The following APBA1 variants were observed in gnomAD, a reference collection of about 807,000 sequenced individuals.
APBA1 encodes the protein amyloid beta precursor protein binding family A member 1.
APBA1 carries 55 observed loss-of-function variants against 86.6 expected under a neutral mutation model. The observed-to-expected ratio is 0.64, with a 90% CI of 0.51 to 0.80. The LOEUF (loss-of-function observed/expected upper bound fraction) is 0.80, where lower values mean the gene tolerates loss of function less well. Among genes scored for constraint, APBA1 ranks in the 30% least tolerant of loss-of-function variants. APBA1 has a pLI of 0.00. For missense variants in APBA1, 1,090 were observed against 1,183.0 expected (o/e 0.92, Z 1.15); for synonymous variants, 511 against 493.9 (o/e 1.03, Z -0.46).
At chr9:69,665,751 T>C (rs1437052669) in intron 1 of APBA1, among the ~76,000 whole-genome samples, 1 of 152,230 alleles carries the variant, frequency 6.6e-6, no homozygotes, top group Non-Finnish European at 1.5e-5. Flanking sequence ...TCCAGCTGAC[T>C]AGTATTTCAT....
chr9:69,519,590 T>C (rs928358901), intron 1 of APBA1, among the ~76,000 whole-genome samples: 7 of 152,196 alleles, frequency 4.6e-5, no homozygotes, highest in Non-Finnish European at 7.3e-5. Flanking sequence ...CAGAAAGGGA[T>C]AGCAAACATA....
At chr9:69,596,333 A>G (rs1822228992) in intron 1 of APBA1, among the ~76,000 whole-genome samples, 1 of 151,692 alleles carries the variant, frequency 6.6e-6, no homozygotes, top group South Asian at 2.1e-4. Flanking sequence ...TTTTTCTTTT[A>G]CCCACTGATA....
chr9:69,516,116 G>A lies in APBA1; in HGVS notation c.1095C>T (p.Ile365=), dbSNP rs1427187183. 8 of 1,613,634 alleles carry A rather than the reference G, an allele frequency of 5.0e-6. No homozygotes were observed. The Admixed American group carries it at 5.0e-5, about 10-fold the overall frequency. Residue 365 remains isoleucine (I), a synonymous_variant, in exon 2 of 13, where the codon ATC becomes ATT. Transcript: ENST00000265381. The surrounding 1 kb of genome is among the most constrained non-coding windows in gnomAD (Gnocchi z 7.3). ...GCTCGTCGGGGGTGTAAGGCGAACG[G>A]ATGGTCCTGGTTTTCACCTCCTCGA... ...EAIEEVKTRT[I]RSPYTPDEPK...
At chr9:69,503,703 C>T (rs10867682) in intron 2 of APBA1, among the ~76,000 whole-genome samples, 57,052 of 151,946 alleles carry the variant, frequency 0.38, 12,262 homozygotes, top group Non-Finnish European at 0.47. Flanking sequence ...CTAAAACCAT[C>T]TAAAACTCCT....
chr9:69,594,501 T>C (rs538686140), intron 1 of APBA1, among the ~76,000 whole-genome samples: 1 of 152,202 alleles, frequency 6.6e-6, no homozygotes, highest in East Asian at 1.9e-4. Context: ...AACTAAGGAA[T>C]GTGAAGAGAA....
intron 2 of APBA1, among the ~76,000 whole-genome samples, chr9:69,496,406 C>A (rs1588320468): frequency 6.6e-6 from 1 of 152,100 alleles, no homozygotes. Context: ...AAAAGAGACA[C>A]AAAGGGCCTG....
intron 1 of APBA1, among the ~76,000 whole-genome samples, chr9:69,544,888 C>T (rs1288233612): frequency 6.6e-6 from 1 of 152,198 alleles, no homozygotes; most frequent in East Asian, 1.9e-4. Flanking sequence ...CAGGGAGGGC[C>T]TTGGCCCACC....
Position 69,609,059 on chromosome 9 carries a change from T to C in APBA1, c.-70+63094A>G, listed in dbSNP as rs116410292. On this transcript the variant is annotated intron_variant, in intron 1 of 12. Transcript: ENST00000265381. Reference sequence around the variant, plus strand: ...TGACAGACTGGGCTAGGCACTATAATGACTACAAAACCAAATTAGATGTCA... The same window carrying C: ...TGACAGACTGGGCTAGGCACTATAACGACTACAAAACCAAATTAGATGTCA... Among the ~76,000 whole-genome samples, 870 of 152,354 alleles carry C rather than the reference T, an allele frequency of 5.7e-3. 5 individuals are homozygous for C. The highest frequency in any genetic ancestry group is 0.017 in the Middle Eastern group (5 of 294).
At chr9:69,672,530 C>T (rs1176905126), upstream of APBA1, among the ~76,000 whole-genome samples, 1 of 146,666 alleles carries the variant, frequency 6.8e-6, no homozygotes, top group Non-Finnish European at 1.5e-5. Flanking sequence ...CTCGCCCACT[C>T]GCGTGCGCGC....
chr9:69,561,715 C>T (rs1341388533), intron 1 of APBA1, among the ~76,000 whole-genome samples: 6 of 152,052 alleles, frequency 3.9e-5, no homozygotes, highest in South Asian at 2.1e-4. Context: ...CTGCAACTTC[C>T]GCCTTACAGG....
At position 69,430,146 on chromosome 9, in the gene APBA1, T is replaced by G. The variant is rs1237300635; in HGVS notation, c.*1181A>C. The G allele has an allele frequency of 1.3e-5, 2 of 152,248 alleles. No individual in the cohort carries two copies. Among genetic ancestry groups the G allele is most frequent in the South Asian group, 2.1e-4 (1 of 4,832 alleles). 9.4% of individuals were successfully genotyped at this position (152,248 alleles called of 1,614,324 possible). ...ATTGTCTCCTTAATTTTGTGGTTTA[T>G]GTACTATTCTGGCCTTTCCAATATC... On this transcript the variant is annotated 3_prime_UTR_variant, in exon 13 of 13. Coordinates refer to ENST00000265381, the MANE Select transcript of APBA1 (RefSeq NM_001163.4).
chr9:69,618,852 G>A (rs1203931770), intron 1 of APBA1, among the ~76,000 whole-genome samples: 1 of 152,198 alleles, frequency 6.6e-6, no homozygotes, highest in Admixed American at 6.5e-5. Context: ...AGAAGAAATG[G>A]ATTTACATCG....
At chr9:69,488,902 A>G (rs1428116429) in intron 2 of APBA1, among the ~76,000 whole-genome samples, 1 of 151,946 alleles carries the variant, frequency 6.6e-6, no homozygotes, top group Non-Finnish European at 1.5e-5. Context: ...AGAATACAAT[A>G]CCTAGGAATC....
At chr9:69,469,375 T>C (rs1276482399) in intron 4 of APBA1, among the ~76,000 whole-genome samples, 1 of 152,236 alleles carries the variant, frequency 6.6e-6, no homozygotes, top group Admixed American at 6.5e-5. Flanking sequence ...GCTGAACTAC[T>C]TATCAGAGTA....
At chr9:69,655,434 A>G (rs933605349) in intron 1 of APBA1, among the ~76,000 whole-genome samples, 5 of 152,162 alleles carry the variant, frequency 3.3e-5, no homozygotes, top group Non-Finnish European at 7.4e-5. Flanking sequence ...GCATTTCTAT[A>G]TACCAATAAC....
chr9:69,449,930 T>C, intron 9 of APBA1, 134 bp from the exon 10 acceptor site: 2 of 686,638 alleles, frequency 2.9e-6, no homozygotes, highest in Non-Finnish European at 4.8e-6. Flanking sequence ...GATGAGTTCC[T>C]GTCTTCTCAG....
intron 2 of APBA1, among the ~76,000 whole-genome samples, chr9:69,505,356 C>T (rs1040335272): frequency 1.1e-4 from 16 of 152,022 alleles, no homozygotes; most frequent in Admixed American, 2.0e-4. Flanking sequence ...TCCCTGGCCA[C>T]GCTTAACTTC....
At chr9:69,506,079 G>C (rs1446451894) in intron 2 of APBA1, among the ~76,000 whole-genome samples, 1 of 151,818 alleles carries the variant, frequency 6.6e-6, no homozygotes, top group African/African-American at 2.4e-5. Context: ...GGCCGAATAG[G>C]AACAGCTCCG....
At chr9:69,462,814 G>A (rs563938645) in intron 5 of APBA1, 15 of 152,306 alleles carry the variant, frequency 9.8e-5, no homozygotes, top group Admixed American at 4.6e-4. Context: ...GTGCAGAGCA[G>A]AATCTCCTGG....
Sources: allele counts gnomAD v4.1 joint callset (sites outside exome capture counted in the v4.1 genomes callset), GRCh38; gene constraint gnomAD v4.1.1; non-coding constraint Gnocchi (gnomAD v3.1); transcripts MANE v1.5; gene names NCBI Gene and HGNC (gene_info 2026-07-23, HGNC 2026-07-21).